The following HACE1 variants were observed in gnomAD, a reference collection of about 807,000 sequenced individuals.
HACE1 encodes the protein HECT domain and ankyrin repeat containing E3 ubiquitin protein ligase 1.
In HACE1, 73 loss-of-function variants were observed where a neutral mutation model predicts 118.4. The observed-to-expected ratio is 0.62, with a 90% confidence interval of 0.51 to 0.75. The LOEUF (loss-of-function observed/expected upper bound fraction) is 0.75. Ranked by LOEUF, HACE1 falls within the 30% of genes least tolerant of loss-of-function variation. The pLI is 0.00. For missense variants in HACE1, 749 were observed against 1,102.2 expected, an observed-to-expected ratio of 0.68 and a Z score of 4.54; for synonymous variants, 368 against 374.8, an observed-to-expected ratio of 0.98 and a Z score of 0.21.
intron 19 of HACE1, among the ~76,000 whole-genome samples, chr6:104,763,048 A>T (rs1272482756): frequency 6.6e-6 from 1 of 151,894 alleles, no homozygotes; most frequent in Admixed American, 6.6e-5. Flanking sequence ...ATTTCCCAGC[A>T]AATAAAAAGA....
intron 1 of HACE1, among the ~76,000 whole-genome samples, chr6:104,856,785 C>T (rs773386410): frequency 6.6e-6 from 1 of 152,108 alleles, no homozygotes; most frequent in African/African-American, 2.4e-5. Flanking sequence ...TAATTTCTTA[C>T]TCTTCACCTC....
rs1163647831 is a variant in HACE1, at chr6:104,859,849, G to C, written c.-207C>G. ...CGGACCGACCACCTACAGTACACCC[G>C]CCGCCGCCTCTGCTCGCGCCTTTCC... is the stretch of plus-strand genomic sequence containing the variant. On this transcript the variant is annotated 5_prime_UTR_variant, in exon 1 of 24. Transcript: ENST00000262903. 3.5e-5 allele frequency: 18 copies of C among 507,604 alleles called. No homozygotes were observed. 31.4% of individuals were successfully genotyped at this position (507,604 alleles called of 1,614,324 possible). A position where few individuals can be genotyped will look rare whatever the true frequency, so the allele number is the denominator to read the frequency against.
chr6:104,817,289 G>A (rs545201843), intron 6 of HACE1, among the ~76,000 whole-genome samples: 20 of 152,220 alleles, frequency 1.3e-4, no homozygotes, highest in South Asian at 6.2e-4. Flanking sequence ...GGTCTGGGGG[G>A]AGGTGACTGG....
intron 4 of HACE1, among the ~76,000 whole-genome samples, chr6:104,846,124 C>G (rs1381954308): frequency 6.6e-6 from 1 of 152,118 alleles, no homozygotes; most frequent in Non-Finnish European, 1.5e-5. Flanking sequence ...AAATGAATTG[C>G]AAAAGGTACA....
At chr6:104,841,148 G>T (rs1195388897) in intron 5 of HACE1, among the ~76,000 whole-genome samples, 1 of 151,404 alleles carries the variant, frequency 6.6e-6, no homozygotes, top group African/African-American at 2.4e-5. Flanking sequence ...GCTGAGAGAA[G>T]TTGTTTAGGG....
At chr6:104,745,895 T>C (rs940606354) in intron 20 of HACE1, among the ~76,000 whole-genome samples, 1 of 152,170 alleles carries the variant, frequency 6.6e-6, no homozygotes, top group Non-Finnish European at 1.5e-5. Context: ...ATCTACTCAG[T>C]GGGTCCATGA....
At chr6:104,736,782 T>C (rs1775887131) in intron 22 of HACE1, among the ~76,000 whole-genome samples, 1 of 152,194 alleles carries the variant, frequency 6.6e-6, no homozygotes, top group Admixed American at 6.5e-5. Flanking sequence ...GCCTATTTAT[T>C]CTTTAAAATT....
chr6:104,790,515 G>A (rs1582482844), intron 11 of HACE1, among the ~76,000 whole-genome samples: 1 of 152,212 alleles, frequency 6.6e-6, no homozygotes, highest in East Asian at 1.9e-4. Context: ...CACTTTGGGA[G>A]GCAGAGGCAG....
At chr6:104,775,337 T>C (rs1295546275) in intron 17 of HACE1, among the ~76,000 whole-genome samples, 2 of 151,836 alleles carry the variant, frequency 1.3e-5, no homozygotes, top group African/African-American at 2.4e-5. Flanking sequence ...TGATCCAAGA[T>C]TGCGCCACTG....
At chr6:104,825,416 T>TTGCACACAGCAACCAACCTCTGATTGGC (rs1391011914) in intron 6 of HACE1, among the ~76,000 whole-genome samples, 254 of 152,216 alleles carry the variant, frequency 1.7e-3, no homozygotes, top group Admixed American at 4.8e-3. Flanking sequence ...CTCGGATTGG[T>TTGCACACAGCAACCAACCTCTGATTGGC]TGCACACAGC....
In HACE1 at chr6:104,784,980, C is replaced by G. The variant is rs1782188109; in HGVS notation, c.1409+5G>C. On this transcript the variant is annotated splice_donor_5th_base_variant and intron_variant, in intron 12 of 23. Transcript: ENST00000262903. ...AAAAAAAATAATAAGCCAAAACTTT[C>G]TTACCCCGGAGGCATCTGACAAGAA... 1 of 1,599,992 alleles carries G rather than the reference C, an allele frequency of 6.3e-7. No individual in the cohort carries two copies. Among genetic ancestry groups the G allele is most frequent in the Non-Finnish European group, 8.6e-7 (1 of 1,168,706 alleles).
chr6:104,750,284 A>G (rs1777897705), intron 20 of HACE1, 57 bp downstream of exon 20: 1 of 1,418,224 alleles, frequency 7.1e-7, no homozygotes, highest in African/African-American at 1.4e-5. Context: ...TCTGAATTAC[A>G]TCAACTAGAG....
chr6:104,790,080 A>AG (rs1782860739), intron 11 of HACE1, among the ~76,000 whole-genome samples: 1 of 151,920 alleles, frequency 6.6e-6, no homozygotes, highest in African/African-American at 2.4e-5. Flanking sequence ...AAAAAAAAAA[A>AG]GAAAACAAAA....
intron 10 of HACE1, among the ~76,000 whole-genome samples, chr6:104,792,613 T>C (rs912614513): frequency 1.3e-5 from 2 of 152,142 alleles, no homozygotes; most frequent in East Asian, 1.9e-4. Flanking sequence ...ACTTTGTATG[T>C]TGGAGGCCAA....
At chr6:104,851,723 T>C (rs887667290) in intron 2 of HACE1, among the ~76,000 whole-genome samples, 8 of 112,830 alleles carry the variant, frequency 7.1e-5, no homozygotes, top group African/African-American at 2.1e-4. Flanking sequence ...AGGTAGGAAA[T>C]TTAAAACAAA....
chr6:104,812,344 G>T (rs1018385689), intron 6 of HACE1, among the ~76,000 whole-genome samples: 2 of 152,018 alleles, frequency 1.3e-5, no homozygotes, highest in Non-Finnish European at 2.9e-5. Flanking sequence ...TACTCAGGAG[G>T]CTGAGGTGGG....
At chr6:104,745,455 C>CTTTTTTTTTTTTTTTTTTTTTTTTTT (rs370049285) in intron 20 of HACE1, among the ~76,000 whole-genome samples, 2 of 131,980 alleles carry the variant, frequency 1.5e-5, no homozygotes, top group Non-Finnish European at 1.6e-5. Context: ...TCAGGATTTC[C>CTTTTTTTTTTTTTTTTTTTTTTTTTT]TTTTTTTTTG....
chr6:104,755,435 A>G (rs1452960002), intron 19 of HACE1, among the ~76,000 whole-genome samples: 1 of 152,234 alleles, frequency 6.6e-6, no homozygotes, highest in Non-Finnish European at 1.5e-5. Flanking sequence ...TGGACCTGAT[A>G]GATATCTACA....
At chr6:104,789,526 G>C (rs1782786277) in intron 11 of HACE1, among the ~76,000 whole-genome samples, 1 of 151,934 alleles carries the variant, frequency 6.6e-6, no homozygotes, top group Admixed American at 6.6e-5. Context: ...AGCTAAAAAG[G>C]AAAAACAGAT....
Sources: allele counts gnomAD v4.1 joint callset (sites outside exome capture counted in the v4.1 genomes callset), GRCh38; gene constraint gnomAD v4.1.1; transcripts MANE v1.5; gene names NCBI Gene and HGNC (gene_info 2026-07-23, HGNC 2026-07-21).